ATP2C2: variants seen among roughly 807,000 people sequenced by gnomAD.
ATP2C2 encodes the protein calcium-transporting ATPase type 2C member 2.
In ATP2C2, 171 loss-of-function variants were observed where a neutral mutation model predicts 110.8. That is an observed-to-expected ratio of 1.54 (90% confidence interval 1.36 to 1.75). The LOEUF is 1.75. Ranked by LOEUF, ATP2C2 falls within the 40% of genes most tolerant of loss-of-function variation. ATP2C2 has a pLI of 0.00. For synonymous variants in ATP2C2, 804 were observed against 508.4 expected, an observed-to-expected ratio of 1.58 and a Z score of -7.82; for missense variants, 1,963 against 1,235.0, an observed-to-expected ratio of 1.59 and a Z score of -8.84.
chr16:84,403,573 T>A (rs996212907), intron 2 of ATP2C2, among the ~76,000 whole-genome samples: 3 of 152,168 alleles, frequency 2.0e-5, no homozygotes, highest in Admixed American at 6.5e-5. Flanking sequence ...CTCCTGAAGT[T>A]TTGGGATTAC....
Position 84,460,750 on chromosome 16 carries a change from C to G in ATP2C2, c.2430C>G (p.Leu810=), listed in dbSNP as rs1911235186. The stretch of plus-strand genomic sequence containing the variant: ...GCAGAGCCCTCATCCTGAAGATCCT[C>G]ATGTCCGCGGCCATCATCATCAGCG... The part of the protein sequence containing the change: ...ILSRALILKI[L]MSAAIIISGT... Residue 810 remains leucine (L), a synonymous_variant, in exon 24 of 27, where the codon CTC becomes CTG. Transcript: ENST00000262429. The G allele has an allele frequency of 6.2e-7, 1 of 1,614,150 alleles. No individual in the cohort carries two copies. Among genetic ancestry groups the G allele is most frequent in the Middle Eastern group, 1.7e-4 (1 of 6,058 alleles).
In ATP2C2 at chr16:84,442,252, C is replaced by G. The variant is rs111825721; in HGVS notation, c.1312-258C>G. ...GCCATCATCCCCATTATCGGTCGCT[C>G]CCCGTTACCCCACACTCGTCACCAC... On this transcript the variant is annotated intron_variant, in intron 14 of 26. Coordinates refer to ENST00000262429, the MANE Select transcript of ATP2C2 (RefSeq NM_014861.4). Among the ~76,000 whole-genome samples, 967 of 152,252 alleles carry G rather than the reference C, an allele frequency of 6.4e-3. 13 individuals carry two copies. The highest frequency in any genetic ancestry group is 0.022 in the African/African-American group (903 of 41,544).
intron 11 of ATP2C2, among the ~76,000 whole-genome samples, chr16:84,436,763 GTT>G (rs10651589): frequency 1.6e-5 from 2 of 124,106 alleles, no homozygotes; most frequent in Non-Finnish European, 1.6e-5. Context: ...AGCGAAGGCT[GTT>G]TTTTTTTTTT....
chr16:84,446,278 A>G (rs764640283), intron 15 of ATP2C2, 51 bp from the exon 16 acceptor site: 2 of 1,106,354 alleles, frequency 1.8e-6, no homozygotes, highest in East Asian at 5.1e-5. Flanking sequence ...AGCTTTGTAT[A>G]GAGATTGGCT....
chr16:84,373,516 A>AAC (rs1910081049), intron 1 of ATP2C2, among the ~76,000 whole-genome samples: 9 of 141,006 alleles, frequency 6.4e-5, no homozygotes, highest in Admixed American at 1.4e-4. Flanking sequence ...ACAACAACAA[A>AAC]AAAAGAGACT....
chr16:84,463,593 TTC>T lies in ATP2C2; in HGVS notation c.2723-19_2723-18del, dbSNP rs751998997. 6.9e-6 allele frequency: 11 copies of T among 1,598,230 alleles called. No individual in the cohort carries two copies. The highest frequency in any genetic ancestry group is 2.7e-5 in the African/African-American group (2 of 74,586). On this transcript the variant is annotated intron_variant, in intron 26 of 26. Transcript: ENST00000262429. ...AGAGCTGCAGCCCGTCCTGAATCTT[TTC>T]TGTTTTCTCCCTTGGCAGATTTGCT... is the stretch of plus-strand genomic sequence containing the variant.
intron 14 of ATP2C2, 39 bp downstream of exon 14, chr16:84,440,997 C>T: frequency 1.3e-6 from 2 of 1,500,424 alleles, no homozygotes; most frequent in East Asian, 2.3e-5. Context: ...TAGGCATTTA[C>T]ATTGAGGCTT....
intron 1 of ATP2C2, among the ~76,000 whole-genome samples, chr16:84,397,655 C>CAAAAAAAAAAAGAAAAAA (rs1905071300): frequency 1.6e-5 from 1 of 63,512 alleles, no homozygotes; most frequent in African/African-American, 4.4e-5. Flanking sequence ...GCCTGGGTGA[C>CAAAAAAAAAAAGAAAAAA]AAAAAAAAAA....
At position 84,444,618 on chromosome 16, in the gene ATP2C2, C is replaced by T. The variant is rs373620685; in HGVS notation, c.1402-1711C>T. Reference sequence around the variant, plus strand: ...TCTGCCCCATTCAACAACTCCTCGCCGCCCAGAAGGGAAGGTGCCGGCCTG... The same window carrying T: ...TCTGCCCCATTCAACAACTCCTCGCTGCCCAGAAGGGAAGGTGCCGGCCTG... On this transcript the variant is annotated intron_variant, in intron 15 of 26. Coordinates refer to ENST00000262429, the MANE Select transcript of ATP2C2 (RefSeq NM_014861.4). 6.1e-4 allele frequency among the ~76,000 whole-genome samples: 93 copies of T among 152,332 alleles called. 2 individuals are homozygous for T. The highest frequency in any genetic ancestry group is 5.0e-3 in the South Asian group (24 of 4,824).
intron 14 of ATP2C2, among the ~76,000 whole-genome samples, 185 bp downstream of exon 14, chr16:84,441,143 G>A (rs946640225): frequency 3.3e-5 from 5 of 152,178 alleles, no homozygotes; most frequent in Admixed American, 1.3e-4. Flanking sequence ...GAAGTAAGAC[G>A]ACAGCTAGGC....
At chr16:84,401,165 T>C (rs574697236) in intron 2 of ATP2C2, among the ~76,000 whole-genome samples, 1 of 151,098 alleles carries the variant, frequency 6.6e-6, no homozygotes, top group South Asian at 2.1e-4. Context: ...CTGGAGAGTT[T>C]CCCCGATGTT....
In ATP2C2 at chr16:84,425,200, C is replaced by A. The variant is rs368424131; in HGVS notation, c.920-535C>A. On this transcript the variant is annotated intron_variant, in intron 10 of 26. Transcript: ENST00000262429. The stretch of plus-strand genomic sequence containing the variant: ...CTCCAAGGGTGTCACCTGGCAACAC[C>A]ACCCACCTTCCCAGTCCCTACTCAC... Among the ~76,000 whole-genome samples, 3 of 152,178 alleles carry A rather than the reference C, an allele frequency of 2.0e-5. No individual in the cohort carries two copies. In the East Asian group the frequency reaches 5.8e-4, roughly 29 times the overall value.
intron 2 of ATP2C2, among the ~76,000 whole-genome samples, chr16:84,399,480 A>G (rs1905191887): frequency 6.6e-6 from 1 of 152,260 alleles, no homozygotes. Context: ...TTTAAAAACA[A>G]GGACACTTTT....
In ATP2C2 at chr16:84,398,637, A is replaced by C. The variant is rs751146738; in HGVS notation, c.210+28A>C. 4.5e-6 allele frequency: 7 copies of C among 1,547,186 alleles called. No individual in the cohort carries two copies. The Admixed American group carries it at 1.3e-4, about 28-fold the overall frequency. On this transcript the variant is annotated intron_variant, in intron 2 of 26. Coordinates refer to ENST00000262429, the MANE Select transcript of ATP2C2 (RefSeq NM_014861.4). ...AAGAATTGAATTTGCATCTGGAGCT[A>C]ATTGTGATAAGGTTTTATGTTTAAA...
At chr16:84,374,670 G>C (rs1466590125) in intron 1 of ATP2C2, among the ~76,000 whole-genome samples, 1 of 152,140 alleles carries the variant, frequency 6.6e-6, no homozygotes, top group East Asian at 1.9e-4. Flanking sequence ...ACTGGGAGCT[G>C]ATGGGGGGTC....
At chr16:84,389,370 G>T (rs1255076060) in intron 1 of ATP2C2, among the ~76,000 whole-genome samples, 1 of 152,232 alleles carries the variant, frequency 6.6e-6, no homozygotes, top group Admixed American at 6.5e-5. Context: ...CACCCCAGGA[G>T]GGCGTGACCA....
Position 84,461,910 on chromosome 16 carries a change from C to T in ATP2C2, c.2581-78C>T, listed in dbSNP as rs1045758905. On this transcript the variant is annotated intron_variant, in intron 25 of 26. Coordinates refer to ENST00000262429, the MANE Select transcript of ATP2C2 (RefSeq NM_014861.4). ...GCAGCATTGAGCGGCTCTGGCTCAGCGTGGGCAGTCAGAGCTCCCCTGCCT... is the reference window on the plus strand; with the variant it reads ...GCAGCATTGAGCGGCTCTGGCTCAGTGTGGGCAGTCAGAGCTCCCCTGCCT... 4.5e-5 allele frequency: 72 copies of T among 1,605,308 alleles called. No homozygotes were observed. The Admixed American group carries it at 5.7e-4, about 13-fold the overall frequency.
intron 24 of ATP2C2, chr16:84,461,398 T>C (rs953618937): frequency 8.3e-6 from 4 of 484,792 alleles, no homozygotes; most frequent in African/African-American, 3.9e-5. Context: ...TTGTAGGAAA[T>C]GACCTTCACT....
At chr16:84,427,014 TG>T (rs1007557532) in intron 11 of ATP2C2, among the ~76,000 whole-genome samples, 44 of 152,294 alleles carry the variant, frequency 2.9e-4, no homozygotes, top group African/African-American at 8.7e-4. Context: ...GGCCGGGGAT[TG>T]TCACTAACTG....
Sources: allele counts gnomAD v4.1 joint callset (sites outside exome capture counted in the v4.1 genomes callset), GRCh38; gene constraint gnomAD v4.1.1; transcripts MANE v1.5; gene names NCBI Gene and HGNC (gene_info 2026-07-23, HGNC 2026-07-21).